ZHX2: variants seen among roughly 807,000 people sequenced by gnomAD.
The protein encoded by ZHX2 is zinc fingers and homeoboxes 2, also known as zinc fingers and homeoboxes protein 2.
A neutral mutation model predicts 21.9 loss-of-function variants in ZHX2; 6 were observed. The ratio of observed to expected loss-of-function variants is 0.27; its 90% CI spans 0.15 to 0.54. The LOEUF is 0.54. ZHX2 is among the 20% of genes least tolerant of loss of function. ZHX2 has a pLI of 0.95. For missense variants in ZHX2, 908 were observed against 1,090.7 expected (o/e 0.83, Z 2.36); for synonymous variants, 434 against 437.1 (o/e 0.99, Z 0.09).
intron 2 of ZHX2, among the ~76,000 whole-genome samples, chr8:122,886,170 C>A (rs556730330): frequency 6.6e-6 from 1 of 152,246 alleles, no homozygotes; most frequent in South Asian, 2.1e-4. Context: ...AGCTATCAAG[C>A]CAAGAAAAGA....
intron 1 of ZHX2, among the ~76,000 whole-genome samples, chr8:122,811,288 G>A (rs1817922365): frequency 6.6e-6 from 1 of 152,104 alleles, no homozygotes; most frequent in Non-Finnish European, 1.5e-5. Context: ...GGCTGAGGTG[G>A]GAAAATTGCG....
intron 2 of ZHX2, among the ~76,000 whole-genome samples, chr8:122,873,850 C>G (rs1168774761): frequency 1.3e-5 from 2 of 152,116 alleles, no homozygotes; most frequent in Non-Finnish European, 2.9e-5. Flanking sequence ...TAGCTCAGGG[C>G]CCCCTTCCAT....
chr8:122,856,381 A>G (rs1257126639), intron 1 of ZHX2, among the ~76,000 whole-genome samples: 1 of 152,208 alleles, frequency 6.6e-6, no homozygotes, highest in African/African-American at 2.4e-5. Flanking sequence ...CGGTGTCCTC[A>G]GCCACTTTCT....
In ZHX2 at chr8:122,951,757, T is replaced by C. The variant is rs1367107730; in HGVS notation, c.247T>C (p.Cys83Arg). 6 of 1,613,990 alleles carry C rather than the reference T, an allele frequency of 3.7e-6. No homozygotes were observed. Among genetic ancestry groups the C allele is most frequent in the Non-Finnish European group, 5.1e-6 (6 of 1,180,030 alleles). Residue 83 changes from cysteine (C) to arginine (R), a missense_variant, in exon 3 of 4, where the codon TGC (cysteine) becomes CGC (arginine). Cys to Arg is a radical substitution (Grantham distance 180, BLOSUM62 -3). This residue lies in a region of ZHX2 where 220 missense variants were observed against 251.4 expected (regional missense o/e 0.88). Coordinates refer to ENST00000314393, the MANE Select transcript of ZHX2 (RefSeq NM_014943.5). ...KLQGGYECKY[C>R]PYSTQNLNEF... ...CCAAGGTGGTTATGAGTGCAAATAC[T>C]GCCCCTACTCCACGCAAAACCTGAA...
At chr8:122,881,731 G>A (rs1013962134) in intron 2 of ZHX2, among the ~76,000 whole-genome samples, 2 of 152,184 alleles carry the variant, frequency 1.3e-5, no homozygotes, top group East Asian at 1.9e-4. Flanking sequence ...GACAGGCCAC[G>A]TAGGGACTAG....
chr8:122,892,105 T>C (rs188853540), intron 2 of ZHX2, among the ~76,000 whole-genome samples: 147 of 152,334 alleles, frequency 9.6e-4, no homozygotes, highest in African/African-American at 3.2e-3. Context: ...CGGGTGTTCC[T>C]GTGCTGAGTG....
rs113977080 is a variant in ZHX2 at position 122,783,012 on chromosome 8, C to T, written c.-283+1066C>T. Among the ~76,000 whole-genome samples, 1,064 of 152,246 alleles carry T rather than the reference C, an allele frequency of 7.0e-3. 18 individuals are homozygous for T. Among genetic ancestry groups the T allele is most frequent in the African/African-American group, 0.025 (1,027 of 41,526 alleles). On this transcript the variant is annotated intron_variant, in intron 1 of 3. Transcript: ENST00000314393. ...TTGGAAACCAGCAGGCATCACAGGA[C>T]GGTCCCTTTGGCCTCGTAGCTGTGC...
chr8:122,848,727 A>G (rs1228241245), intron 1 of ZHX2, among the ~76,000 whole-genome samples: 6 of 152,212 alleles, frequency 3.9e-5, no homozygotes, highest in Admixed American at 3.9e-4. Flanking sequence ...GAGGGAATGG[A>G]CAATCGCTGT....
At chr8:122,920,823 C>G (rs929867518) in intron 2 of ZHX2, among the ~76,000 whole-genome samples, 1 of 152,300 alleles carries the variant, frequency 6.6e-6, no homozygotes, top group South Asian at 2.1e-4. Context: ...AAGTCACCCA[C>G]GAGAGGAGGT....
rs115562261 is a variant in ZHX2 at position 122,936,999 on chromosome 8, A to G, written c.-219-14293A>G. 3.0e-3 allele frequency among the ~76,000 whole-genome samples: 459 copies of G among 152,382 alleles called. 1 individual carries two copies. Among genetic ancestry groups the G allele is most frequent in the African/African-American group, 0.011 (437 of 41,592 alleles). On this transcript the variant is annotated intron_variant, in intron 2 of 3. Transcript: ENST00000314393. ...TTCTCACTGGGCAGGACCAAGTCAC[A>G]TGTGCAGTGCCAGAGGTTCCACCTG...
chr8:122,942,218 G>T (rs532592459), intron 2 of ZHX2, among the ~76,000 whole-genome samples: 1 of 152,006 alleles, frequency 6.6e-6, no homozygotes, highest in Non-Finnish European at 1.5e-5. Flanking sequence ...ATGCCTTCTC[G>T]GGGGGTGTCA....
intron 2 of ZHX2, among the ~76,000 whole-genome samples, chr8:122,899,367 G>A (rs867268230): frequency 6.6e-6 from 1 of 152,040 alleles, no homozygotes; most frequent in South Asian, 2.1e-4. Context: ...TCAGAGCAGG[G>A]CTTTGTTCTC....
chr8:122,838,599 CAG>C lies in ZHX2; in HGVS notation c.-282-24875_-282-24874del, dbSNP rs1241416559. ...TTTTTTTTTTTTTTTTTTTTTGAGACAGAGTTCACTCTGTCACCCAGGCTGGA... is the reference window on the plus strand; with the variant it reads ...TTTTTTTTTTTTTTTTTTTTTGAGACAGTTCACTCTGTCACCCAGGCTGGA... On this transcript the variant is annotated intron_variant, in intron 1 of 3. Coordinates refer to ENST00000314393, the MANE Select transcript of ZHX2 (RefSeq NM_014943.5). Among the ~76,000 whole-genome samples, 3 of 110,800 alleles carry C rather than the reference CAG, an allele frequency of 2.7e-5. No homozygotes were observed. The Admixed American group carries it at 3.6e-4, about 13-fold the overall frequency. 72.7% of individuals were successfully genotyped at this position (110,800 alleles called of 152,430 possible). A position where few individuals can be genotyped will look rare whatever the true frequency, so the allele number is the denominator to read the frequency against.
chr8:122,853,755 T>C (rs190531750), intron 1 of ZHX2, among the ~76,000 whole-genome samples: 2 of 151,900 alleles, frequency 1.3e-5, no homozygotes, highest in East Asian at 3.9e-4. Flanking sequence ...TCCCACCCAC[T>C]ATCTCCCCAT....
intron 2 of ZHX2, among the ~76,000 whole-genome samples, chr8:122,882,048 C>A (rs949740183): frequency 2.6e-5 from 4 of 152,118 alleles, no homozygotes; most frequent in Non-Finnish European, 5.9e-5. Context: ...CATGTCCCCC[C>A]TCCTCGAAAA....
At chr8:122,797,347 C>T (rs1817632081) in intron 1 of ZHX2, among the ~76,000 whole-genome samples, 1 of 152,108 alleles carries the variant, frequency 6.6e-6, no homozygotes, top group South Asian at 2.1e-4. Context: ...GGGTATGTAC[C>T]CACTTTCTAA....
intron 2 of ZHX2, among the ~76,000 whole-genome samples, chr8:122,886,258 A>G (rs1484507349): frequency 2.0e-5 from 3 of 152,272 alleles, no homozygotes; most frequent in African/African-American, 7.2e-5. Context: ...GATTCTAACT[A>G]TATAACATTC....
At chr8:122,853,845 C>T (rs142589003) in intron 1 of ZHX2, among the ~76,000 whole-genome samples, 401 of 152,270 alleles carry the variant, frequency 2.6e-3, no homozygotes, top group African/African-American at 8.7e-3. Flanking sequence ...CCTAACACAG[C>T]CCATACTCCT....
At chr8:122,959,764 A>G (rs1367858780) in intron 3 of ZHX2, among the ~76,000 whole-genome samples, 1 of 152,142 alleles carries the variant, frequency 6.6e-6, no homozygotes, top group African/African-American at 2.4e-5. Context: ...TTTACTGGTG[A>G]TGCTTCTCAG....
Sources: gnomAD v4.1 joint callset for allele counts (sites outside exome capture counted in the v4.1 genomes callset) on GRCh38, gnomAD v4.1.1 for gene constraint, gnomAD v4.1.1 regional missense constraint, MANE v1.5 for transcripts, NCBI Gene and HGNC (gene_info 2026-07-23, HGNC 2026-07-21) for gene names.